The following CTTNBP2 variants were observed in gnomAD, a reference collection of about 807,000 sequenced individuals.
CTTNBP2 encodes the protein cortactin-binding protein 2.
Under a neutral mutation model 156.9 loss-of-function variants are expected in CTTNBP2, and 108 were observed. That is an observed-to-expected ratio of 0.69 (90% CI 0.59 to 0.81). CTTNBP2 has a LOEUF of 0.81. Among genes scored for constraint, CTTNBP2 ranks in the 30% least tolerant of loss-of-function variants. The pLI is 0.00. For missense variants in CTTNBP2, 1,924 were observed against 2,035.4 expected (o/e 0.95, Z 1.05); for synonymous variants, 767 against 751.8 (o/e 1.02, Z -0.33).
At chr7:117,819,673 G>A (rs62471784) in intron 2 of CTTNBP2, among the ~76,000 whole-genome samples, 8 of 152,230 alleles carry the variant, frequency 5.3e-5, no homozygotes, top group African/African-American at 1.9e-4. Context: ...ATGTCATGGC[G>A]TCAAATGATT....
intron 8 of CTTNBP2, among the ~76,000 whole-genome samples, chr7:117,771,599 T>C (rs1482671757): frequency 6.6e-6 from 1 of 152,184 alleles, no homozygotes; most frequent in Admixed American, 6.5e-5. Flanking sequence ...AAAGCAATTA[T>C]TGTACTGAAA....
chr7:117,842,276 C>G (rs146725728), intron 2 of CTTNBP2, among the ~76,000 whole-genome samples: 111 of 152,268 alleles, frequency 7.3e-4, no homozygotes, highest in Non-Finnish European at 1.3e-3. Context: ...TCCCGGCTCA[C>G]TACAATCTCT....
Position 117,792,239 on chromosome 7 carries a change from C to A in CTTNBP2, c.957G>T (p.Met319Ile). ...TDLVTENADH[M>I]KKLPLTMPVK... ...CAGGCATGGTTAAAGGCAACTTTTT[C>A]ATGTGGTCAGCATTTTCTGTCACTA... Residue 319 changes from methionine to isoleucine, a missense_variant, in exon 4 of 23, where the codon ATG (methionine) becomes ATT (isoleucine). Physicochemically the swap from Met to Ile is conservative, Grantham distance 10 (BLOSUM62 1). Transcript: ENST00000160373. The surrounding 1 kb of genome is among the most constrained non-coding windows in gnomAD (Gnocchi z 4.2). 1 of 1,614,220 alleles carries A rather than the reference C, an allele frequency of 6.2e-7. No individual in the cohort carries two copies. The highest frequency in any genetic ancestry group is 1.1e-5 in the South Asian group (1 of 91,084).
chr7:117,719,126 G>A (rs1042200219), intron 21 of CTTNBP2, among the ~76,000 whole-genome samples: 28 of 152,128 alleles, frequency 1.8e-4, no homozygotes, highest in Non-Finnish European at 3.5e-4. Context: ...GCTTGAACCC[G>A]GGAGGCGGAG....
In CTTNBP2 at chr7:117,745,717, T is replaced by C. The variant is rs376705392; in HGVS notation, c.3535+114A>G. 18 of 693,972 alleles carry C rather than the reference T, an allele frequency of 2.6e-5. No individual in the cohort carries two copies. The East Asian group carries it at 3.5e-4, about 13-fold the overall frequency. 43.0% of individuals were successfully genotyped at this position (693,972 alleles called of 1,614,324 possible). On this transcript the variant is annotated intron_variant, in intron 14 of 22. Transcript: ENST00000160373. ...AAGTGTTTATCCCACAGCTGCTGAA[T>C]AATTAAAGTTATCTTAAATGTATCC...
In CTTNBP2 at chr7:117,784,564, G is replaced by A. The variant is rs571664838; in HGVS notation, c.2069-110C>T. On this transcript the variant is annotated intron_variant, in intron 4 of 22. Coordinates refer to ENST00000160373, the MANE Select transcript of CTTNBP2 (RefSeq NM_033427.3). ...ACAAACATATGAACATGTGTCCCTA[G>A]AGGATTATGTGGTTTCTAACATTAT... 1.6e-3 allele frequency: 1,146 copies of A among 699,238 alleles called. 4 individuals are homozygous for A. Among genetic ancestry groups the A allele is most frequent in the Non-Finnish European group, 2.2e-3 (979 of 440,920 alleles). The allele number at this position is 699,238 out of a possible 1,614,324, so 43.3% of individuals were successfully genotyped here.
chr7:117,731,892 G>A (rs1795422392), intron 16 of CTTNBP2, among the ~76,000 whole-genome samples: 1 of 152,168 alleles, frequency 6.6e-6, no homozygotes, highest in Admixed American at 6.5e-5. Flanking sequence ...AAAGGAGAAA[G>A]CTGGATCAAT....
intron 14 of CTTNBP2, among the ~76,000 whole-genome samples, chr7:117,740,721 G>A (rs6954703): frequency 0.044 from 6,643 of 152,154 alleles, 458 homozygotes; most frequent in African/African-American, 0.15. Flanking sequence ...CTCATCCATC[G>A]CCTCTTGACT....
At chr7:117,840,382 G>T (rs1196575094) in intron 2 of CTTNBP2, among the ~76,000 whole-genome samples, 2 of 151,956 alleles carry the variant, frequency 1.3e-5, no homozygotes, top group Non-Finnish European at 2.9e-5. Context: ...TTCTAAATTA[G>T]CCAGGTGCAG....
chr7:117,719,977 G>T (rs113317960), intron 20 of CTTNBP2, among the ~76,000 whole-genome samples: 4 of 152,274 alleles, frequency 2.6e-5, no homozygotes, highest in South Asian at 2.1e-4. Flanking sequence ...GACAAACACG[G>T]ATTTCAAACT....
chr7:117,798,430 G>A (rs1363081684), intron 3 of CTTNBP2, among the ~76,000 whole-genome samples: 1 of 152,024 alleles, frequency 6.6e-6, no homozygotes, highest in Non-Finnish European at 1.5e-5. Flanking sequence ...TAAATCATAA[G>A]ATATTAAGAA....
At chr7:117,868,889 A>T (rs1804393327) in intron 1 of CTTNBP2, among the ~76,000 whole-genome samples, 2 of 152,208 alleles carry the variant, frequency 1.3e-5, no homozygotes, top group Admixed American at 6.5e-5. Context: ...GAAATTGCAG[A>T]CTATTCTAAA....
chr7:117,790,959 C>T (rs2116854775), intron 4 of CTTNBP2, among the ~76,000 whole-genome samples, 169 bp downstream of exon 4: 1 of 150,364 alleles, frequency 6.7e-6, no homozygotes, highest in East Asian at 2.0e-4. Context: ...TCACCATACC[C>T]TGGAGCCTTT....
chr7:117,715,936 G>A (rs1211520980), intron 22 of CTTNBP2: 3 of 152,190 alleles, frequency 2.0e-5, no homozygotes, highest in Non-Finnish European at 4.4e-5. Flanking sequence ...AAGAGAAAAG[G>A]CATCAGCCAG....
chr7:117,792,887 T>A lies in CTTNBP2; in HGVS notation c.415-106A>T. The A allele has an allele frequency of 1.3e-6, 1 of 793,112 alleles. No individual in the cohort carries two copies. Among genetic ancestry groups the A allele is most frequent in the Non-Finnish European group, 1.8e-6 (1 of 554,622 alleles). The allele number at this position is 793,112 out of a possible 1,614,324, so 49.1% of individuals were successfully genotyped here. On this transcript the variant is annotated intron_variant, in intron 3 of 22. Transcript: ENST00000160373. This position sits in a 1 kb window ranked among gnomAD's most constrained non-coding sequence, Gnocchi z 4.2. ...ATTAATTTTCTAACAATTACATAAC[T>A]CGGGTTAGCAAAAACGCCACATTTT...
intron 2 of CTTNBP2, among the ~76,000 whole-genome samples, chr7:117,854,530 C>T (rs1803134797): frequency 6.6e-6 from 1 of 152,174 alleles, no homozygotes; most frequent in Non-Finnish European, 1.5e-5. Flanking sequence ...CTGAACCATA[C>T]AACCATAAAG....
chr7:117,764,474 A>G (rs991716623), intron 9 of CTTNBP2, among the ~76,000 whole-genome samples: 6 of 152,184 alleles, frequency 3.9e-5, no homozygotes, highest in African/African-American at 1.4e-4. Flanking sequence ...AATCTTCCAT[A>G]GGGAAGCTCT....
intron 11 of CTTNBP2, among the ~76,000 whole-genome samples, chr7:117,757,590 T>C (rs1302129743): frequency 6.7e-6 from 1 of 149,694 alleles, no homozygotes; most frequent in East Asian, 2.0e-4. Context: ...CACTCTCTTA[T>C]CAGCATGCCA....
Position 117,783,031 on chromosome 7 carries a change from C to A in CTTNBP2, c.2273-70G>T. 3 of 1,098,996 alleles carry A rather than the reference C, an allele frequency of 2.7e-6. No homozygotes were observed. The South Asian group carries it at 3.9e-5, about 14-fold the overall frequency. The allele number at this position is 1,098,996 out of a possible 1,614,324, so 68.1% of individuals were successfully genotyped here. ...TATGATGTGCCAAATTCTATACAAGCTGTAGATAGATTCTAATCCCAAAGG... is the reference window on the plus strand; with the variant it reads ...TATGATGTGCCAAATTCTATACAAGATGTAGATAGATTCTAATCCCAAAGG... On this transcript the variant is annotated intron_variant, in intron 5 of 22. Coordinates refer to ENST00000160373, the MANE Select transcript of CTTNBP2 (RefSeq NM_033427.3).
Sources: gnomAD v4.1 joint callset for allele counts (sites outside exome capture counted in the v4.1 genomes callset) on GRCh38, gnomAD v4.1.1 for gene constraint, Gnocchi (gnomAD v3.1) non-coding constraint, MANE v1.5 for transcripts, NCBI Gene and HGNC (gene_info 2026-07-23, HGNC 2026-07-21) for gene names.